The following PRDX5 variants were observed in gnomAD, a reference collection of about 807,000 sequenced individuals.
The protein encoded by PRDX5 is peroxiredoxin-5, mitochondrial.
PRDX5 carries 21 observed loss-of-function variants against 23.8 expected under a neutral mutation model. That is an observed-to-expected ratio of 0.88 (90% confidence interval 0.63 to 1.27). PRDX5 has a LOEUF of 1.27. Ranked by LOEUF, PRDX5 falls within the 50% of genes most tolerant of loss-of-function variation. PRDX5 has a pLI of 0.00. For missense variants in PRDX5, 261 were observed against 270.6 expected, an observed-to-expected ratio of 0.96 and a Z score of 0.25; for synonymous variants, 111 against 113.3, an observed-to-expected ratio of 0.98 and a Z score of 0.13.
At chr11:64,320,934 T>C (rs1433414949) in intron 4 of PRDX5, 31 bp downstream of exon 4, 2 of 1,613,872 alleles carry the variant, frequency 1.2e-6, no homozygotes, top group Non-Finnish European at 1.7e-6. Flanking sequence ...CACAGGGACA[T>C]GGCAGTGCGG....
chr11:64,318,953 C>A (rs1233570271), intron 1 of PRDX5, among the ~76,000 whole-genome samples: 1 of 150,956 alleles, frequency 6.6e-6, no homozygotes, highest in Non-Finnish European at 1.5e-5. Flanking sequence ...AGCGCCCCCG[C>A]GGGGGCTTAC....
intron 1 of PRDX5, among the ~76,000 whole-genome samples, chr11:64,318,814 C>T (rs1232259193): frequency 2.0e-5 from 3 of 151,370 alleles, no homozygotes; most frequent in African/African-American, 4.9e-5. Flanking sequence ...TCAGATTGGT[C>T]TCGAACTCCT....
At position 64,318,345 on chromosome 11, in the gene PRDX5, C is replaced by T. The variant is rs752749547; in HGVS notation, c.130C>T (p.Arg44Cys). 17 of 1,611,918 alleles carry T rather than the reference C, an allele frequency of 1.1e-5. No individual in the cohort carries two copies. Among genetic ancestry groups the T allele is most frequent in the Admixed American group, 1.7e-5 (1 of 59,906 alleles). The stretch of plus-strand genomic sequence containing the variant: ...AGGAGAGTGGGCGTCTGGCGGGGTC[C>T]GCAGTTTCAGCAGAGCCGCTGCAGC... ...SEGEWASGGV[R>C]SFSRAAAAMA... Residue 44 changes from arginine to cysteine, a missense_variant, in exon 1 of 6, where the codon CGC becomes TGC. Physicochemically the swap from Arg to Cys is radical, Grantham distance 180. Coordinates refer to ENST00000265462, the MANE Select transcript of PRDX5 (RefSeq NM_012094.5).
At position 64,319,732 on chromosome 11, in the gene PRDX5, A is replaced by C; in HGVS notation, c.172-2A>C. ...CCCTTACCCTGGAGTCCTTCCTTCT[A>C]GGTGGGAGATGCCATCCCAGCAGTG... On this transcript the variant is annotated splice_acceptor_variant, in intron 1 of 5. Transcript: ENST00000265462. LOFTEE classifies it high-confidence loss of function. The C allele has an allele frequency of 1.2e-6, 2 of 1,611,650 alleles. No homozygotes were observed. The highest frequency in any genetic ancestry group is 1.7e-5 in the Admixed American group (1 of 59,136).
chr11:64,318,669 C>T (rs919420667), intron 1 of PRDX5, among the ~76,000 whole-genome samples: 2 of 152,114 alleles, frequency 1.3e-5, no homozygotes, highest in Non-Finnish European at 2.9e-5. Flanking sequence ...GACGCAATCT[C>T]TGCTCACTGC....
rs1212926432 is a variant in PRDX5 at position 64,319,776 on chromosome 11, C to G, written c.214C>G (p.Pro72Ala). The G allele has an allele frequency of 6.2e-7, 1 of 1,613,962 alleles. No homozygotes were observed. The highest frequency in any genetic ancestry group is 1.1e-5 in the South Asian group (1 of 91,086). ...AGCAGTGGAGGTGTTTGAAGGGGAG[C>G]CAGGGAACAAGGTGAACCTGGCAGA... ...IPAVEVFEGE[P>A]GNKVNLAELF... The change falls in exon 2 of 6, where the codon CCA becomes GCA. Residue 72 changes from proline (P) to alanine (A), a missense_variant. Transcript: ENST00000265462.
chr11:64,321,186 CTG>C, intron 5 of PRDX5, 118 bp downstream of exon 5: 2 of 1,210,502 alleles, frequency 1.7e-6, no homozygotes, highest in Non-Finnish European at 2.4e-6. Context: ...GGAGAGTCCT[CTG>C]TGTGGGAGAG....
Position 64,318,403 on chromosome 11 carries a change from C to A in PRDX5, c.171+17C>A, listed in dbSNP as rs769406922. 6.3e-7 allele frequency: 1 copy of A among 1,593,554 alleles called. No homozygotes were observed. Among genetic ancestry groups the A allele is most frequent in the South Asian group, 1.1e-5 (1 of 88,946 alleles). ...CCAATCAAGGTGACCGCTGGCCCGGCCGGGCCTGACATCCCCCACTACCCC... is the reference window on the plus strand; with the variant it reads ...CCAATCAAGGTGACCGCTGGCCCGGACGGGCCTGACATCCCCCACTACCCC... On this transcript the variant is annotated intron_variant, in intron 1 of 5. Transcript: ENST00000265462.
At chr11:64,318,423 TACCCCCATGGC>T (rs749893679) in intron 1 of PRDX5, 37 bp downstream of exon 1, 28 of 1,572,632 alleles carry the variant, frequency 1.8e-5, no homozygotes, top group African/African-American at 2.7e-5. Context: ...CATCCCCCAC[TACCCCCATGGC>T]AATCCCCGTC....
chr11:64,318,215 T>C lies in PRDX5; in HGVS notation c.-1T>C, dbSNP rs915221912. The C allele has an allele frequency of 3.1e-6, 5 of 1,610,174 alleles. No individual in the cohort carries two copies. The highest frequency in any genetic ancestry group is 1.7e-5 in the Admixed American group (1 of 59,894). On this transcript the variant is annotated 5_prime_UTR_variant, in exon 1 of 6. Transcript: ENST00000265462. ...GGAGTGGAAGTGGCCGTGGGGCGGG[T>C]ATGGGACTAGCTGGCGTGTGCGCCC...
In PRDX5 at chr11:64,320,661, A is replaced by G. The variant is rs1241664568; in HGVS notation, c.307A>G (p.Thr103Ala). Reference sequence around the variant, plus strand: ...CCGACCCTTTGTTCCCCTTCCTCAGACACACCTGCCAGGGTTTGTGGAGCA... The same window carrying G: ...CCGACCCTTTGTTCCCCTTCCTCAGGCACACCTGCCAGGGTTTGTGGAGCA... ...PGAFTPGCSK[T>A]HLPGFVEQAE... The change falls in exon 3 of 6, where the codon ACA becomes GCA. Residue 103 changes from threonine to alanine, a missense_variant and splice_region_variant. Coordinates refer to ENST00000265462, the MANE Select transcript of PRDX5 (RefSeq NM_012094.5). 1.3e-5 allele frequency: 21 copies of G among 1,589,042 alleles called. No homozygotes were observed. Among genetic ancestry groups the G allele is most frequent in the Non-Finnish European group, 1.8e-5 (21 of 1,165,444 alleles).
chr11:64,320,963 A>G (rs566049), intron 4 of PRDX5, 44 bp from the exon 5 acceptor site: 1,603,609 of 1,614,152 alleles, frequency 0.99, 797,107 homozygotes, highest in East Asian at 1. Context: ...GGGGGCCCTT[A>G]GCCTCTTCAA....
rs752558234 is a variant in PRDX5 at position 64,321,602 on chromosome 11, C to T, written c.556C>T (p.Gln186Ter). The T allele has an allele frequency of 1.2e-6, 2 of 1,613,656 alleles. No homozygotes were observed. The highest frequency in any genetic ancestry group is 1.1e-5 in the South Asian group (1 of 91,062). ...RRLKRFSMVVQDGIVKALNVE... is the reference protein window; with the variant it reads ...RRLKRFSMVV ...TTCCGGCAGGTTCTCCATGGTGGTA[C>T]AGGATGGCATAGTGAAGGCCCTGAA... Residue 186 changes from glutamine to a stop codon, truncating the protein, a stop_gained, in exon 6 of 6, where the codon CAG (glutamine) becomes TAG (stop). Transcript: ENST00000265462. LOFTEE classifies it high-confidence loss of function.
intron 5 of PRDX5, among the ~76,000 whole-genome samples, 189 bp from the exon 6 acceptor site, chr11:64,321,397 G>C (rs1317453114): frequency 2.7e-5 from 4 of 150,588 alleles, no homozygotes; most frequent in Non-Finnish European, 4.4e-5. Context: ...GTGGGGGAGA[G>C]TTCTCTGTGG....
intron 1 of PRDX5, 128 bp from the exon 2 acceptor site, chr11:64,319,606 G>T: frequency 8.1e-7 from 1 of 1,240,820 alleles, no homozygotes; most frequent in Non-Finnish European, 1.1e-6. Context: ...AACTGACAGG[G>T]CTGGAGTATC....
intron 2 of PRDX5, among the ~76,000 whole-genome samples, chr11:64,320,284 G>GAAAAAAAAAAA (rs111316782): frequency 1.9e-5 from 2 of 104,024 alleles, no homozygotes; most frequent in African/African-American, 3.6e-5. Context: ...GTCTCAAAAT[G>GAAAAAAAAAAA]AAAAAAAAAA....
Position 64,319,927 on chromosome 11 carries a change from C to T in PRDX5, c.306+59C>T, listed in dbSNP as rs1008824674. 17 of 1,593,146 alleles carry T rather than the reference C, an allele frequency of 1.1e-5. No individual in the cohort carries two copies. In the Admixed American group the frequency reaches 1.6e-4, roughly 15 times the overall value. ...GGGATCTTTTGTGTTGCTCTTAAGT[C>T]CTCCACATAGTCCTGATAGGACTCC... On this transcript the variant is annotated intron_variant, in intron 2 of 5. Coordinates refer to ENST00000265462, the MANE Select transcript of PRDX5 (RefSeq NM_012094.5).
intron 1 of PRDX5, 44 bp downstream of exon 1, chr11:64,318,430 A>G (rs769297245): frequency 1.3e-6 from 2 of 1,561,922 alleles, no homozygotes; most frequent in South Asian, 1.2e-5. Flanking sequence ...CACTACCCCC[A>G]TGGCAATCCC....
chr11:64,318,595 GTTT>G (rs1009406299), intron 1 of PRDX5, among the ~76,000 whole-genome samples: 3 of 152,028 alleles, frequency 2.0e-5, no homozygotes, highest in Non-Finnish European at 4.4e-5. Flanking sequence ...GAGGCATTGT[GTTT>G]TTTGTTTTTT....
Sources: allele counts gnomAD v4.1 joint callset (sites outside exome capture counted in the v4.1 genomes callset), GRCh38; gene constraint gnomAD v4.1.1; transcripts MANE v1.5; gene names NCBI Gene and HGNC (gene_info 2026-07-23, HGNC 2026-07-21).